Variants in SLC25A53 observed in about 807,000 individuals in gnomAD.
SLC25A53 encodes the protein solute carrier family 25 member 53.
Under a neutral mutation model 15.0 loss-of-function variants are expected in SLC25A53, and 5 were observed. The observed-to-expected ratio is 0.33, with a 90% CI of 0.17 to 0.70. The LOEUF is 0.70. SLC25A53 is among the 30% of genes least tolerant of loss of function. SLC25A53 has a pLI of 0.67. For synonymous variants in SLC25A53, 95 were observed against 100.0 expected (o/e 0.95, Z 0.30); for missense variants, 216 against 241.6 (o/e 0.89, Z 0.70).
intron 1 of SLC25A53, among the ~76,000 whole-genome samples, chrX:104,108,607 C>T (rs1556357135): frequency 9.0e-6 from 1 of 111,159 alleles, no homozygotes; most frequent in East Asian, 2.8e-4. Context: ...AAAGTATAGA[C>T]CACAGAATGG....
At chrX:104,139,839 CAGAT>C (rs2075446403) in intron 1 of SLC25A53, among the ~76,000 whole-genome samples, 1 of 112,108 alleles carries the variant, frequency 8.9e-6, no homozygotes, top group Admixed American at 9.4e-5. Context: ...CATAAATAAA[CAGAT>C]AAATAAAATA....
chrX:104,110,313 T>C (rs1178477491), intron 1 of SLC25A53, among the ~76,000 whole-genome samples: 6 of 111,496 alleles, frequency 5.4e-5, no homozygotes, highest in African/African-American at 2.0e-4. Context: ...CCTAAGTGTG[T>C]GAGGTGAGCA....
chrX:104,105,328 A>C, intron 1 of SLC25A53, 40 bp from the exon 2 acceptor site: 3 of 937,348 alleles, frequency 3.2e-6, no homozygotes, highest in Admixed American at 6.3e-5. Context: ...CTGACCAATT[A>C]ATTCTGTTGG....
At chrX:104,117,193 CT>C (rs2075380207) in intron 1 of SLC25A53, among the ~76,000 whole-genome samples, 1 of 105,475 alleles carries the variant, frequency 9.5e-6, no homozygotes, top group African/African-American at 3.5e-5. Context: ...CATATCCCCC[CT>C]GCTCCATCCA....
intron 1 of SLC25A53, among the ~76,000 whole-genome samples, chrX:104,121,815 T>C (rs1556362769): frequency 1.1e-5 from 1 of 90,525 alleles, no homozygotes; most frequent in Admixed American, 1.3e-4. Flanking sequence ...ATTTGTCTCA[T>C]CCCCCACATT....
At chrX:104,139,162 G>T (rs1203779892) in intron 1 of SLC25A53, among the ~76,000 whole-genome samples, 1 of 112,468 alleles carries the variant, frequency 8.9e-6, no homozygotes, top group African/African-American at 3.2e-5. Flanking sequence ...CCTATCAGTT[G>T]CAGTGAGCTG....
At chrX:104,140,652 A>G (rs782133449) in intron 1 of SLC25A53, among the ~76,000 whole-genome samples, 26 of 111,434 alleles carry the variant, frequency 2.3e-4, no homozygotes, top group Non-Finnish European at 4.3e-4. Flanking sequence ...AATACCATAA[A>G]CAGTAGAGGA....
At chrX:104,129,719 GAAT>G (rs1259587094) in intron 1 of SLC25A53, among the ~76,000 whole-genome samples, 2 of 107,597 alleles carry the variant, frequency 1.9e-5, no homozygotes, top group South Asian at 3.9e-4. Flanking sequence ...TGAAATCTGT[GAAT>G]AATAATAATA....
At chrX:104,111,338 G>A (rs781832017) in intron 1 of SLC25A53, among the ~76,000 whole-genome samples, 15 of 111,798 alleles carry the variant, frequency 1.3e-4, no homozygotes, top group Non-Finnish European at 2.6e-4. Context: ...AATAGCATGA[G>A]TTCTGGATTC....
At chrX:104,154,328 G>A (rs1456873897) in intron 1 of SLC25A53, among the ~76,000 whole-genome samples, 1 of 112,026 alleles carries the variant, frequency 8.9e-6, no homozygotes. Context: ...TATCAAAAAG[G>A]TGAAAGATAA....
At chrX:104,120,923 A>G (rs1556362604) in intron 1 of SLC25A53, among the ~76,000 whole-genome samples, 2 of 112,563 alleles carry the variant, frequency 1.8e-5, no homozygotes, top group African/African-American at 6.4e-5. Context: ...TCTATTATAT[A>G]TGCTTTTTTC....
chrX:104,127,826 T>G (rs782492783), intron 1 of SLC25A53, among the ~76,000 whole-genome samples: 1 of 111,137 alleles, frequency 9.0e-6, no homozygotes, highest in South Asian at 3.8e-4. Context: ...TAGCTTGGCA[T>G]GGTGGCACAT....
chrX:104,116,100 G>A (rs1431436722), intron 1 of SLC25A53, among the ~76,000 whole-genome samples: 2 of 107,724 alleles, frequency 1.9e-5, no homozygotes, highest in Non-Finnish European at 3.8e-5. Context: ...AACATATCAT[G>A]AGACATCAGA....
chrX:104,122,415 A>G (rs1315721326), intron 1 of SLC25A53, among the ~76,000 whole-genome samples: 2 of 106,328 alleles, frequency 1.9e-5, no homozygotes, highest in Admixed American at 1.0e-4. Flanking sequence ...GAAGACCAAC[A>G]GCAGAACTGA....
At chrX:104,139,256 G>A (rs781930767) in intron 1 of SLC25A53, among the ~76,000 whole-genome samples, 23 of 112,073 alleles carry the variant, frequency 2.1e-4, no homozygotes, top group Non-Finnish European at 3.8e-4. Context: ...AGTGGCTCAC[G>A]CCTGTAATCC....
At chrX:104,129,855 A>AT (rs1569463093) in intron 1 of SLC25A53, among the ~76,000 whole-genome samples, 2 of 53,943 alleles carry the variant, frequency 3.7e-5, no homozygotes, top group Non-Finnish European at 7.1e-5. Flanking sequence ...TATCCACACA[A>AT]ATGTATGTGT....
At chrX:104,149,573 A>T (rs782187596) in intron 1 of SLC25A53, among the ~76,000 whole-genome samples, 4 of 112,343 alleles carry the variant, frequency 3.6e-5, no homozygotes, top group African/African-American at 6.5e-5. Context: ...GACTTTGTAC[A>T]TGGCAGCTCA....
intron 1 of SLC25A53, among the ~76,000 whole-genome samples, chrX:104,112,337 A>C (rs1428267847): frequency 1.8e-5 from 2 of 113,334 alleles, no homozygotes; most frequent in Non-Finnish European, 3.7e-5. Flanking sequence ...AAATGGGCCC[A>C]GTCCGTGCGT....
intron 1 of SLC25A53, among the ~76,000 whole-genome samples, chrX:104,141,355 C>T (rs1434055495): frequency 1.8e-5 from 2 of 111,465 alleles, no homozygotes; most frequent in African/African-American, 6.5e-5. Context: ...CTTTACACCA[C>T]ATGCCAAACT....
Sources: allele counts gnomAD v4.1 joint callset (sites outside exome capture counted in the v4.1 genomes callset), GRCh38; gene constraint gnomAD v4.1.1; transcripts MANE v1.5; gene names NCBI Gene and HGNC (gene_info 2026-07-23, HGNC 2026-07-21).